The following BBS9 variants were observed in gnomAD, a reference collection of about 807,000 sequenced individuals.
BBS9 encodes Bardet-Biedl syndrome 9.
In BBS9, 89 loss-of-function variants were observed where a neutral mutation model predicts 117.7. The observed-to-expected ratio is 0.76, with a 90% CI of 0.64 to 0.90. BBS9 has a LOEUF of 0.90. BBS9 is among the 40% of genes least tolerant of loss of function. BBS9 has a pLI of 0.00. For synonymous variants in BBS9, 379 were observed against 370.9 expected, an observed-to-expected ratio of 1.02 and a Z score of -0.25; for missense variants, 982 against 1,042.2, an observed-to-expected ratio of 0.94 and a Z score of 0.80.
In BBS9 at chr7:33,569,522, G is replaced by A. The variant is rs568321930; in HGVS notation, c.2522-35343G>A. 2.6e-3 allele frequency among the ~76,000 whole-genome samples: 395 copies of A among 151,950 alleles called. 3 individuals carry two copies. Among genetic ancestry groups the A allele is most frequent in the African/African-American group, 8.9e-3 (368 of 41,484 alleles). On this transcript the variant is annotated intron_variant, in intron 21 of 22. Coordinates refer to ENST00000242067, the MANE Select transcript of BBS9 (RefSeq NM_198428.3). ...TGTAATCCCAGCACTTTGGGAGGCC[G>A]AGGCGGGCAGATCACGAGGTCAGGA... is the stretch of plus-strand genomic sequence containing the variant.
chr7:33,275,577 T>C (rs1034794245), intron 9 of BBS9, among the ~76,000 whole-genome samples: 1 of 152,218 alleles, frequency 6.6e-6, no homozygotes, highest in Non-Finnish European at 1.5e-5. Context: ...TGAGTATGGG[T>C]CTCATTTTGA....
At chr7:33,457,772 T>A (rs1838855677) in intron 19 of BBS9, among the ~76,000 whole-genome samples, 1 of 152,180 alleles carries the variant, frequency 6.6e-6, no homozygotes, top group Non-Finnish European at 1.5e-5. Flanking sequence ...GAAAAGAGTG[T>A]TAAAGACCTC....
At chr7:33,391,239 T>G (rs1827021092) in intron 19 of BBS9, among the ~76,000 whole-genome samples, 1 of 152,204 alleles carries the variant, frequency 6.6e-6, no homozygotes, top group Non-Finnish European at 1.5e-5. Context: ...CAAGCCATGC[T>G]AGAGTCCATT....
chr7:33,330,020 G>GTT (rs1044571705), intron 9 of BBS9, among the ~76,000 whole-genome samples: 1 of 147,160 alleles, frequency 6.8e-6, no homozygotes, highest in Non-Finnish European at 1.5e-5. Flanking sequence ...ATAAAATTGT[G>GTT]TTTTTTTTTT....
At chr7:33,345,479 A>G (rs955266225) in intron 12 of BBS9, among the ~76,000 whole-genome samples, 21 of 152,314 alleles carry the variant, frequency 1.4e-4, no homozygotes, top group African/African-American at 4.3e-4. Flanking sequence ...AGCTTTACCA[A>G]TTGTGTTCGC....
intron 9 of BBS9, among the ~76,000 whole-genome samples, chr7:33,278,791 G>A (rs1426718595): frequency 6.6e-6 from 1 of 152,204 alleles, no homozygotes; most frequent in African/African-American, 2.4e-5. Flanking sequence ...TATACTGGAG[G>A]AGGCTGATGA....
rs185176934 is a variant in BBS9 at position 33,297,628 on chromosome 7, G to A, written c.1016+23672G>A. On this transcript the variant is annotated intron_variant, in intron 9 of 22. Transcript: ENST00000242067. ...ACCTACTTGCCACCTTTTTTGTGGA[G>A]TGGGCAACAAAAGATGTATCTCACA... Among the ~76,000 whole-genome samples the A allele has an allele frequency of 4.8e-3, 728 of 152,198 alleles. 6 individuals are homozygous for A. Among genetic ancestry groups the A allele is most frequent in the African/African-American group, 0.016 (669 of 41,534 alleles).
At chr7:33,554,360 A>G (rs557744324) in intron 21 of BBS9, among the ~76,000 whole-genome samples, 7 of 152,186 alleles carry the variant, frequency 4.6e-5, no homozygotes, top group African/African-American at 9.7e-5. Context: ...TGAAGAGACT[A>G]TTGTAGAAAT....
intron 20 of BBS9, among the ~76,000 whole-genome samples, chr7:33,514,525 A>G (rs1012907502): frequency 3.3e-5 from 5 of 152,194 alleles, no homozygotes; most frequent in African/African-American, 1.2e-4. Flanking sequence ...GAGCTGTTAC[A>G]GGGAGTTTCC....
chr7:33,427,569 A>T (rs926748760), intron 19 of BBS9, among the ~76,000 whole-genome samples: 6 of 152,198 alleles, frequency 3.9e-5, no homozygotes, highest in Non-Finnish European at 5.9e-5. Context: ...TTCCAGGTGT[A>T]GAATTTGTTT....
At chr7:33,633,902 A>T (rs1014948149) in intron 21 of BBS9, among the ~76,000 whole-genome samples, 5 of 152,018 alleles carry the variant, frequency 3.3e-5, no homozygotes, top group African/African-American at 1.2e-4. Context: ...CTCTCTGCCA[A>T]CCCTGCCTGC....
intron 21 of BBS9, among the ~76,000 whole-genome samples, chr7:33,553,459 TC>T (rs1854781177): frequency 6.6e-6 from 1 of 152,218 alleles, no homozygotes; most frequent in Non-Finnish European, 1.5e-5. Context: ...CTATATATTT[TC>T]TGCTGTCTCC....
intron 19 of BBS9, among the ~76,000 whole-genome samples, chr7:33,449,169 G>T (rs1475873474): frequency 1.3e-5 from 2 of 152,138 alleles, no homozygotes; most frequent in African/African-American, 4.8e-5. Context: ...TGGTAGTTGT[G>T]CTGTGGAATT....
intron 4 of BBS9, among the ~76,000 whole-genome samples, chr7:33,158,576 T>G (rs963353609): frequency 6.6e-5 from 10 of 152,308 alleles, no homozygotes; most frequent in Admixed American, 6.5e-4. Context: ...TGCTATTACC[T>G]GACATTTAAG....
At chr7:33,330,581 A>T (rs551698925) in intron 9 of BBS9, among the ~76,000 whole-genome samples, 1 of 152,160 alleles carries the variant, frequency 6.6e-6, no homozygotes, top group Non-Finnish European at 1.5e-5. Flanking sequence ...TTGTAGTTTC[A>T]TATTTTTAAA....
chr7:33,512,751 G>A (rs1847148859), intron 20 of BBS9, among the ~76,000 whole-genome samples: 1 of 152,198 alleles, frequency 6.6e-6, no homozygotes, highest in African/African-American at 2.4e-5. Flanking sequence ...TTTAAAAGCA[G>A]CACGCCCGCT....
chr7:33,166,623 C>T (rs553307507), intron 4 of BBS9, among the ~76,000 whole-genome samples: 25 of 152,254 alleles, frequency 1.6e-4, no homozygotes, highest in Admixed American at 7.8e-4. Context: ...CAGACTGCTG[C>T]GCTAGTAGTG....
chr7:33,428,105 C>T (rs1033535834), intron 19 of BBS9, among the ~76,000 whole-genome samples: 1 of 152,058 alleles, frequency 6.6e-6, no homozygotes, highest in Non-Finnish European at 1.5e-5. Context: ...CCAAACTAGA[C>T]ATTTTGGAGA....
At chr7:33,362,688 G>A (rs1245914788) in intron 16 of BBS9, among the ~76,000 whole-genome samples, 1 of 152,040 alleles carries the variant, frequency 6.6e-6, no homozygotes, top group Admixed American at 6.6e-5. Context: ...CTTGAAGTCA[G>A]GTAGTATAAT....
Sources: allele counts gnomAD v4.1 joint callset (sites outside exome capture counted in the v4.1 genomes callset), GRCh38; gene constraint gnomAD v4.1.1; transcripts MANE v1.5; gene names NCBI Gene and HGNC (gene_info 2026-07-23, HGNC 2026-07-21).